Variants in HHIPL1 observed in about 807,000 individuals in gnomAD.
The protein encoded by HHIPL1 is HHIP like 1.
A neutral mutation model predicts 61.8 loss-of-function variants in HHIPL1; 43 were observed. The observed-to-expected ratio is 0.70, with a 90% confidence interval of 0.55 to 0.90. The LOEUF (loss-of-function observed/expected upper bound fraction) is 0.90, where lower values mean the gene tolerates loss of function less well. Among genes scored for constraint, HHIPL1 ranks in the 40% least tolerant of loss-of-function variants. HHIPL1 has a pLI of 0.00. For synonymous variants in HHIPL1, 482 were observed against 515.8 expected, an observed-to-expected ratio of 0.93 and a Z score of 0.89; for missense variants, 1,056 against 1,157.7, an observed-to-expected ratio of 0.91 and a Z score of 1.28.
At chr14:99,640,836 A>T (rs2055740369), upstream of HHIPL1, among the ~76,000 whole-genome samples, 1 of 136,974 alleles carries the variant, frequency 7.3e-6, no homozygotes, top group African/African-American at 2.8e-5. Context: ...TCTGACCTAT[A>T]TCATCTTCTT....
intron 7 of HHIPL1, chr14:99,669,293 T>G: frequency 6.8e-6 from 7 of 1,031,444 alleles, no homozygotes; most frequent in Non-Finnish European, 8.2e-6. Flanking sequence ...TTCTCAGCCC[T>G]TAGATTTTCG....
Position 99,645,361 on chromosome 14 carries a change from C to T in HHIPL1, c.154C>T (p.Arg52Cys). The change falls in exon 1 of 9, where the codon CGC becomes TGC. Residue 52 changes from arginine to cysteine, a missense_variant. Coordinates refer to ENST00000330710, the MANE Select transcript of HHIPL1 (RefSeq NM_001127258.3). The part of the protein sequence containing the change: ...YSDFGCCDEG[R>C]DAELTRRFWA... ...GGACTTCGGCTGCTGCGATGAGGGG[C>T]GCGACGCCGAGCTGACCCGCCGCTT... 6.9e-7 allele frequency: 1 copy of T among 1,446,148 alleles called. No individual in the cohort carries two copies. 89.6% of individuals were successfully genotyped at this position (1,446,148 alleles called of 1,614,324 possible).
Position 99,675,852 on chromosome 14 carries a change from A to G in HHIPL1, c.*226A>G. ...TGTGGGCTCTGGAAGTGCATGGTCC[A>G]TCATGGGCGGGAGGAGTTCCTTTCT... is the stretch of plus-strand genomic sequence containing the variant. On this transcript the variant is annotated 3_prime_UTR_variant, in exon 9 of 9. Coordinates refer to ENST00000330710, the MANE Select transcript of HHIPL1 (RefSeq NM_001127258.3). The surrounding 1 kb of genome is among the most constrained non-coding windows in gnomAD (Gnocchi z 5.4). 1 of 438,022 alleles carries G rather than the reference A, an allele frequency of 2.3e-6. No homozygotes were observed. Among genetic ancestry groups the G allele is most frequent in the Non-Finnish European group, 4.0e-6 (1 of 251,164 alleles). 27.1% of individuals were successfully genotyped at this position (438,022 alleles called of 1,614,324 possible).
In HHIPL1 at chr14:99,660,483, G is replaced by A. The variant is rs961513450; in HGVS notation, c.1502+77G>A. 25 of 1,522,292 alleles carry A rather than the reference G, an allele frequency of 1.6e-5. No homozygotes were observed. Among genetic ancestry groups the A allele is most frequent in the Non-Finnish European group, 2.1e-5 (23 of 1,117,960 alleles). 94.3% of individuals were successfully genotyped at this position (1,522,292 alleles called of 1,614,324 possible). On this transcript the variant is annotated intron_variant, in intron 5 of 8. Coordinates refer to ENST00000330710, the MANE Select transcript of HHIPL1 (RefSeq NM_001127258.3). The surrounding 1 kb of genome is among the most constrained non-coding windows in gnomAD (Gnocchi z 4.9). ...GACTGGCTCCTTGGTAAAGGGGAGT[G>A]TATGTGTGCGCCCGTTCCTGCACAT... is the stretch of plus-strand genomic sequence containing the variant.
At chr14:99,644,618 C>T (rs2055797014), upstream of HHIPL1, among the ~76,000 whole-genome samples, 2 of 152,046 alleles carry the variant, frequency 1.3e-5, no homozygotes, top group Admixed American at 6.5e-5. Flanking sequence ...GAATCCGCTG[C>T]CCCAGGAGCA....
At chr14:99,613,730 A>T in the HHIPL1 span, among the ~76,000 whole-genome samples, 1 of 151,752 alleles carries the variant, frequency 6.6e-6, no homozygotes, top group Non-Finnish European at 1.5e-5. Flanking sequence ...CCAACATGGT[A>T]AAATCCCATC....
Position 99,645,461 on chromosome 14 carries a change from A to G in HHIPL1, c.254A>G (p.Gln85Arg). ...GGCTACGCGAGGGACCTGCTGTGCC[A>G]GGTGAGCGGGCGCGCGGCCACCGGG... ...CAGYARDLLCQECSPYAAHLY... is the reference protein window; with the variant it reads ...CAGYARDLLCRECSPYAAHLY... Residue 85 changes from glutamine to arginine, a missense_variant and splice_region_variant, in exon 1 of 9, where the codon CAG (glutamine) becomes CGG (arginine). Transcript: ENST00000330710. The G allele has an allele frequency of 7.7e-7, 1 of 1,291,094 alleles. No individual in the cohort carries two copies. Among genetic ancestry groups the G allele is most frequent in the Non-Finnish European group, 9.7e-7 (1 of 1,025,834 alleles). 80.0% of individuals were successfully genotyped at this position (1,291,094 alleles called of 1,614,324 possible).
upstream of HHIPL1, chr14:99,644,983 G>T: frequency 2.6e-6 from 1 of 386,338 alleles, no homozygotes. Flanking sequence ...CATCGAATTT[G>T]GAAAGCGGTT....
intron 6 of HHIPL1, among the ~76,000 whole-genome samples, chr14:99,666,603 T>A (rs2056250065): frequency 6.6e-6 from 1 of 151,698 alleles, no homozygotes; most frequent in African/African-American, 2.4e-5. Flanking sequence ...AACCAGGGAG[T>A]TCCTCAAGGG....
chr14:99,627,195 C>CCCAT, the HHIPL1 span, among the ~76,000 whole-genome samples: 2,646 of 147,564 alleles, frequency 0.018, 77 homozygotes, highest in African/African-American at 0.06. This position sits in a 1 kb window ranked among gnomAD's most constrained non-coding sequence, Gnocchi z 4.4. Flanking sequence ...CTTCTATCTT[C>CCCAT]CCATCCATCC....
intron 1 of HHIPL1, among the ~76,000 whole-genome samples, chr14:99,649,294 G>C (rs935019481): frequency 6.6e-6 from 1 of 152,206 alleles, no homozygotes; most frequent in Non-Finnish European, 1.5e-5. Context: ...TTGCCTTCCA[G>C]ATGTCTGTTC....
chr14:99,670,829 T>C (rs1958319), intron 7 of HHIPL1, among the ~76,000 whole-genome samples: 44,878 of 152,120 alleles, frequency 0.3, 8,183 homozygotes, highest in Non-Finnish European at 0.39. Context: ...TGAGTCACTA[T>C]AACCCATTCC....
In HHIPL1 at chr14:99,660,153, G is replaced by A. The variant is rs1360710393; in HGVS notation, c.1376-127G>A. ...CGCCAGCCCTGCTGTGGGCACGCCA[G>A]CCCTGCTGTGGGCACGCCCCTCCCT... On this transcript the variant is annotated intron_variant, in intron 4 of 8. Coordinates refer to ENST00000330710, the MANE Select transcript of HHIPL1 (RefSeq NM_001127258.3). The surrounding 1 kb of genome is among the most constrained non-coding windows in gnomAD (Gnocchi z 4.9). 1.1e-6 allele frequency: 1 copy of A among 921,260 alleles called. No homozygotes were observed. The highest frequency in any genetic ancestry group is 2.6e-5 in the Admixed American group (1 of 38,922). 57.1% of individuals were successfully genotyped at this position (921,260 alleles called of 1,614,324 possible).
chr14:99,649,005 GC>G (rs2055884857), intron 1 of HHIPL1, among the ~76,000 whole-genome samples: 1 of 152,180 alleles, frequency 6.6e-6, no homozygotes, highest in African/African-American at 2.4e-5. Context: ...GTTTCCTATG[GC>G]CTTCCTGCCA....
chr14:99,675,760 T>C lies in HHIPL1; in HGVS notation c.*134T>C, dbSNP rs1211842779. On this transcript the variant is annotated 3_prime_UTR_variant, in exon 9 of 9. Coordinates refer to ENST00000330710, the MANE Select transcript of HHIPL1 (RefSeq NM_001127258.3). This position sits in a 1 kb window ranked among gnomAD's most constrained non-coding sequence, Gnocchi z 5.4. Reference sequence around the variant, plus strand: ...GCGGGTGTGTGCTGTCCTGGGGACATGTGTGAGGCGCTGCAGTGCATGTGT... The same window carrying C: ...GCGGGTGTGTGCTGTCCTGGGGACACGTGTGAGGCGCTGCAGTGCATGTGT... The C allele has an allele frequency of 1.1e-6, 1 of 887,722 alleles. No homozygotes were observed. The highest frequency in any genetic ancestry group is 1.7e-5 in the African/African-American group (1 of 57,380). The allele number at this position is 887,722 out of a possible 1,614,324, so 55.0% of individuals were successfully genotyped here.
At chr14:99,615,844 C>T in the HHIPL1 span, among the ~76,000 whole-genome samples, 48 of 152,310 alleles carry the variant, frequency 3.2e-4, no homozygotes, top group Non-Finnish European at 4.7e-4. Context: ...GGAGGAACTG[C>T]CCAAGCTCAC....
At chr14:99,648,612 C>T (rs2055878376) in intron 1 of HHIPL1, among the ~76,000 whole-genome samples, 1 of 152,204 alleles carries the variant, frequency 6.6e-6, no homozygotes, top group African/African-American at 2.4e-5. Flanking sequence ...GAGAACTCAC[C>T]CTGTAAGCTA....
chr14:99,645,434 C>A lies in HHIPL1; in HGVS notation c.227C>A (p.Ala76Asp). Residue 76 changes from alanine (A) to aspartate (D), a missense_variant, in exon 1 of 9, where the codon GCC (alanine) becomes GAC (aspartate). Physicochemically the swap from Ala to Asp is moderately radical, Grantham distance 126. Transcript: ENST00000330710. ...GACGCCGCCGAGTGGGCCGCGTGCG[C>A]CGGCTACGCGAGGGACCTGCTGTGC... The part of the protein sequence containing the change: ...RVDAAEWAAC[A>D]GYARDLLCQE... 7.4e-7 allele frequency: 1 copy of A among 1,360,506 alleles called. No individual in the cohort carries two copies. The allele number at this position is 1,360,506 out of a possible 1,614,324, so 84.3% of individuals were successfully genotyped here.
chr14:99,655,915 C>A (rs2056020031), intron 2 of HHIPL1, among the ~76,000 whole-genome samples: 1 of 152,226 alleles, frequency 6.6e-6, no homozygotes, highest in African/African-American at 2.4e-5. Flanking sequence ...CGTTCACCAG[C>A]CAACCCTGCT....
Sources: allele counts gnomAD v4.1 joint callset (sites outside exome capture counted in the v4.1 genomes callset), GRCh38; gene constraint gnomAD v4.1.1; non-coding constraint Gnocchi (gnomAD v3.1); transcripts MANE v1.5; gene names NCBI Gene and HGNC (gene_info 2026-07-23, HGNC 2026-07-21).